LINGO2: variants seen among roughly 807,000 people sequenced by gnomAD.
LINGO2 encodes the protein leucine-rich repeat and immunoglobulin-like domain-containing nogo receptor-interacting protein 2.
LINGO2 carries 14 observed loss-of-function variants against 30.6 expected under a neutral mutation model. The observed-to-expected ratio is 0.46, with a 90% CI of 0.30 to 0.72. LINGO2 has a LOEUF of 0.72. LINGO2 is among the 30% of genes least tolerant of loss of function. The pLI is 0.07. For synonymous variants in LINGO2, 317 were observed against 288.5 expected (o/e 1.10, Z -1.00); for missense variants, 729 against 751.7 (o/e 0.97, Z 0.35).
At chr9:28,905,095 G>A in the LINGO2 span, among the ~76,000 whole-genome samples, 2 of 151,842 alleles carry the variant, frequency 1.3e-5, no homozygotes. Context: ...TGAAACTGGA[G>A]CTATATCTCA....
intron 4 of LINGO2, among the ~76,000 whole-genome samples, chr9:28,234,114 G>C (rs1821471719): frequency 6.6e-6 from 1 of 152,142 alleles, no homozygotes; most frequent in African/African-American, 2.4e-5. Context: ...CAGTGGGGTA[G>C]AGCAACCAGC....
the LINGO2 span, among the ~76,000 whole-genome samples, chr9:28,851,445 A>G: frequency 6.6e-6 from 1 of 152,024 alleles, no homozygotes; most frequent in Non-Finnish European, 1.5e-5. Flanking sequence ...TATTGGGTCT[A>G]CCCAGGTAAT....
chr9:28,634,509 G>A (rs59077391), intron 1 of LINGO2, among the ~76,000 whole-genome samples: 14,008 of 112,264 alleles, frequency 0.12, 998 homozygotes, highest in Admixed American at 0.32. Context: ...TTTTTGAAAT[G>A]GAGTTTCACT....
intron 1 of LINGO2, among the ~76,000 whole-genome samples, chr9:28,658,349 A>G (rs758869532): frequency 7.2e-5 from 11 of 152,008 alleles, no homozygotes; most frequent in Non-Finnish European, 1.5e-4. Flanking sequence ...CAAGTCTCCT[A>G]CTATTATTGT....
At chr9:28,419,838 T>C (rs1823118065) in intron 2 of LINGO2, among the ~76,000 whole-genome samples, 1 of 152,018 alleles carries the variant, frequency 6.6e-6, no homozygotes, top group Admixed American at 6.6e-5. Flanking sequence ...TTATTTTCAA[T>C]TTTAAAAATA....
At chr9:28,011,889 A>G (rs554235217) in intron 5 of LINGO2, among the ~76,000 whole-genome samples, 29 of 152,068 alleles carry the variant, frequency 1.9e-4, no homozygotes, top group African/African-American at 7.0e-4. Flanking sequence ...CATGTATGCC[A>G]ACAACTGCCC....
intron 4 of LINGO2, among the ~76,000 whole-genome samples, chr9:28,025,389 T>C: frequency 6.6e-6 from 1 of 152,198 alleles, no homozygotes; most frequent in Non-Finnish European, 1.5e-5. Context: ...AAATACTATC[T>C]CTTTTGGCAG....
chr9:28,474,652 A>G (rs952034308), intron 2 of LINGO2, among the ~76,000 whole-genome samples: 7 of 152,140 alleles, frequency 4.6e-5, no homozygotes, highest in African/African-American at 1.7e-4. Flanking sequence ...ACCATACAAC[A>G]GGTTTGTTAC....
chr9:28,006,792 A>G (rs527757613), intron 5 of LINGO2, among the ~76,000 whole-genome samples: 23 of 152,286 alleles, frequency 1.5e-4, no homozygotes, highest in African/African-American at 5.5e-4. Context: ...ATGATGTATC[A>G]TACATCAACC....
At chr9:28,234,215 G>A (rs1032981757) in intron 4 of LINGO2, among the ~76,000 whole-genome samples, 2 of 152,198 alleles carry the variant, frequency 1.3e-5, no homozygotes, top group Admixed American at 1.3e-4. Context: ...TGCCCTGAAG[G>A]CCGAGTTCCA....
rs1185236688 is a variant in LINGO2, at chr9:28,500,715, AT to A, written c.-364-24691del. 5.9e-5 allele frequency among the ~76,000 whole-genome samples: 9 copies of A among 152,218 alleles called. No individual in the cohort carries two copies. In the East Asian group the frequency reaches 1.2e-3, roughly 20 times the overall value. On this transcript the variant is annotated intron_variant, in intron 1 of 5. Transcript: ENST00000379992. ...TATAATAGAGATCATGGAAGAGATG[AT>A]TTTTTAATTAAAAAAGATATACAGT...
the LINGO2 span, among the ~76,000 whole-genome samples, chr9:29,142,923 C>A: frequency 6.6e-6 from 1 of 151,880 alleles, no homozygotes; most frequent in Non-Finnish European, 1.5e-5. Flanking sequence ...ACACACAAAA[C>A]TGGTATAACT....
the LINGO2 span, among the ~76,000 whole-genome samples, chr9:28,735,809 A>AATAATC: frequency 5.8e-4 from 89 of 152,310 alleles, no homozygotes; most frequent in African/African-American, 1.9e-3. Context: ...TCTAGAGATT[A>AATAATC]TTAAGCCATC....
At chr9:28,215,245 A>G (rs946751310) in intron 4 of LINGO2, among the ~76,000 whole-genome samples, 1 of 151,886 alleles carries the variant, frequency 6.6e-6, no homozygotes, top group African/African-American at 2.4e-5. Context: ...CCCATTTCAT[A>G]TAGAAAAATA....
chr9:28,821,615 T>C, the LINGO2 span, among the ~76,000 whole-genome samples: 1 of 152,000 alleles, frequency 6.6e-6, no homozygotes, highest in East Asian at 1.9e-4. Context: ...AAGCCTGGAG[T>C]TAGAGAACAA....
At chr9:28,829,627 C>T in the LINGO2 span, among the ~76,000 whole-genome samples, 1 of 152,178 alleles carries the variant, frequency 6.6e-6, no homozygotes, top group Non-Finnish European at 1.5e-5. Flanking sequence ...GTGGCTCACA[C>T]CTTTAATCCC....
At chr9:28,599,336 T>C (rs972413604) in intron 1 of LINGO2, 4 of 152,168 alleles carry the variant, frequency 2.6e-5, no homozygotes, top group Non-Finnish European at 5.9e-5. Flanking sequence ...GTATAATCTG[T>C]ATGTAATACT....
At chr9:28,749,293 C>T in the LINGO2 span, among the ~76,000 whole-genome samples, 3 of 151,996 alleles carry the variant, frequency 2.0e-5, no homozygotes, top group African/African-American at 7.3e-5. Flanking sequence ...GAGCCTTTTA[C>T]ATTGTATCTT....
chr9:28,714,213 G>GCACACACACACACA, the LINGO2 span, among the ~76,000 whole-genome samples: 1 of 108,260 alleles, frequency 9.2e-6, no homozygotes, highest in Non-Finnish European at 2.0e-5. Context: ...ACACACATAC[G>GCACACACACACACA]CACATATACA....
Sources: allele counts gnomAD v4.1 joint callset (sites outside exome capture counted in the v4.1 genomes callset), GRCh38; gene constraint gnomAD v4.1.1; transcripts MANE v1.5; gene names NCBI Gene and HGNC (gene_info 2026-07-23, HGNC 2026-07-21).